Variants in MYO5B observed in about 807,000 individuals in gnomAD.
The protein encoded by MYO5B is myosin VB.
In MYO5B, 143 loss-of-function variants were observed where a neutral mutation model predicts 229.3. The ratio of observed to expected loss-of-function variants is 0.62; its 90% CI spans 0.54 to 0.72. The LOEUF is 0.72. MYO5B is among the 30% of genes least tolerant of loss of function. MYO5B has a pLI of 0.00. For synonymous variants in MYO5B, 918 were observed against 885.2 expected, an observed-to-expected ratio of 1.04 and a Z score of -0.66; for missense variants, 2,321 against 2,331.0, an observed-to-expected ratio of 1.00 and a Z score of 0.09.
At chr18:49,986,275 A>G (rs2144302919) in intron 7 of MYO5B, among the ~76,000 whole-genome samples, 1 of 151,672 alleles carries the variant, frequency 6.6e-6, no homozygotes, top group East Asian at 1.9e-4. Flanking sequence ...ACCTCCCCCC[A>G]TTTCCCACCT....
chr18:49,848,848 C>T (rs1024740417), intron 32 of MYO5B, among the ~76,000 whole-genome samples: 2 of 152,082 alleles, frequency 1.3e-5, no homozygotes, highest in Non-Finnish European at 2.9e-5. Flanking sequence ...TCCCTGCCCT[C>T]TAAGACCTTC....
At chr18:49,902,353 T>G (rs1238867382) in intron 21 of MYO5B, among the ~76,000 whole-genome samples, 1 of 152,170 alleles carries the variant, frequency 6.6e-6, no homozygotes, top group Non-Finnish European at 1.5e-5. Flanking sequence ...AGTTCTTAAT[T>G]TAATTGCATC....
At chr18:50,188,589 C>T (rs925967185) in intron 1 of MYO5B, among the ~76,000 whole-genome samples, 1 of 151,944 alleles carries the variant, frequency 6.6e-6, no homozygotes, top group Non-Finnish European at 1.5e-5. Context: ...GAGATTGAGA[C>T]CATCCTGGCC....
intron 22 of MYO5B, among the ~76,000 whole-genome samples, chr18:49,894,477 T>C (rs757966911): frequency 2.6e-5 from 4 of 151,946 alleles, no homozygotes; most frequent in Non-Finnish European, 4.4e-5. Flanking sequence ...CCCACCAGGG[T>C]GGGTGTGACA....
At chr18:49,835,826 CCT>C (rs944489272) in intron 38 of MYO5B, among the ~76,000 whole-genome samples, 3 of 152,260 alleles carry the variant, frequency 2.0e-5, no homozygotes, top group South Asian at 2.1e-4. Context: ...CTAACTACCC[CCT>C]GTCCCCCAAC....
At chr18:49,932,125 C>T (rs756629919) in intron 16 of MYO5B, among the ~76,000 whole-genome samples, 4 of 152,266 alleles carry the variant, frequency 2.6e-5, no homozygotes, top group Admixed American at 1.3e-4. Context: ...CATTGAGAAC[C>T]CCGTCATTCC....
intron 5 of MYO5B, among the ~76,000 whole-genome samples, chr18:49,993,780 GTCAATTCTCCAC>G (rs2025957605): frequency 6.6e-6 from 1 of 152,138 alleles, no homozygotes; most frequent in Non-Finnish European, 1.5e-5. Flanking sequence ...TCCACCTGCT[GTCAATTCTCCAC>G]TCAATTGCCA....
At chr18:49,866,799 C>T (rs1413229234) in intron 27 of MYO5B, among the ~76,000 whole-genome samples, 1 of 152,172 alleles carries the variant, frequency 6.6e-6, no homozygotes, top group Non-Finnish European at 1.5e-5. Context: ...GGCACTGCAG[C>T]CTGGAACACA....
intron 21 of MYO5B, among the ~76,000 whole-genome samples, chr18:49,900,519 A>T (rs28446616): frequency 0.011 from 1,617 of 152,342 alleles, 42 homozygotes; most frequent in African/African-American, 0.036. Context: ...GAGCACGGAA[A>T]CAGAGGCATT....
At chr18:50,076,670 C>G (rs996455476) in intron 1 of MYO5B, among the ~76,000 whole-genome samples, 1 of 152,142 alleles carries the variant, frequency 6.6e-6, no homozygotes, top group African/African-American at 2.4e-5. Context: ...CCTCTCCTAT[C>G]AACTAACCAC....
chr18:50,143,903 G>C (rs1410291540), intron 1 of MYO5B, among the ~76,000 whole-genome samples: 4 of 152,250 alleles, frequency 2.6e-5, no homozygotes, highest in African/African-American at 9.6e-5. Flanking sequence ...CTTGCTTAGG[G>C]CCAAGCACAC....
At chr18:50,121,548 T>C (rs746034772) in intron 1 of MYO5B, among the ~76,000 whole-genome samples, 1 of 134,242 alleles carries the variant, frequency 7.4e-6, no homozygotes, top group South Asian at 2.6e-4. Context: ...AGGATTCAGT[T>C]TGATATTTTT....
intron 1 of MYO5B, among the ~76,000 whole-genome samples, chr18:50,081,576 T>C (rs947893720): frequency 2.0e-4 from 30 of 152,184 alleles, no homozygotes; most frequent in Admixed American, 2.0e-3. Flanking sequence ...AAATAAAGGG[T>C]TGCCATACTT....
At chr18:49,968,038 C>G (rs1258380617) in intron 10 of MYO5B, among the ~76,000 whole-genome samples, 1 of 152,168 alleles carries the variant, frequency 6.6e-6, no homozygotes. Flanking sequence ...GCGATCCTCT[C>G]CCAACCTAAC....
intron 22 of MYO5B, among the ~76,000 whole-genome samples, chr18:49,894,646 G>A (rs1213091952): frequency 1.3e-5 from 2 of 152,188 alleles, no homozygotes; most frequent in Non-Finnish European, 2.9e-5. Flanking sequence ...GCGGGCCACA[G>A]AGCCAGCCCT....
At chr18:50,037,103 G>T in intron 3 of MYO5B, 109 bp from the exon 4 acceptor site, 2 of 1,220,688 alleles carry the variant, frequency 1.6e-6, no homozygotes, top group Non-Finnish European at 2.4e-6. Context: ...AGAATGAGAG[G>T]GCAGCAGAAC....
At chr18:49,939,148 C>CT (rs11313115) in intron 14 of MYO5B, among the ~76,000 whole-genome samples, 15,101 of 118,944 alleles carry the variant, frequency 0.13, 1,143 homozygotes, top group East Asian at 0.32. Flanking sequence ...TCTTTTTTTT[C>CT]TTTTTTTTTT....
At chr18:50,070,407 T>A (rs983083285) in intron 1 of MYO5B, among the ~76,000 whole-genome samples, 1 of 152,026 alleles carries the variant, frequency 6.6e-6, no homozygotes, top group Admixed American at 6.6e-5. Context: ...CTAGAGCAGT[T>A]CTCATCTGGG....
rs1439127193 is a variant in MYO5B at position 49,894,922 on chromosome 18, C to A, written c.3045+19G>T. 1 of 1,606,458 alleles carries A rather than the reference C, an allele frequency of 6.2e-7. No individual in the cohort carries two copies. The highest frequency in any genetic ancestry group is 8.5e-7 in the Non-Finnish European group (1 of 1,176,038). ...ACCCACTCTGCTTGCCAGCGCCTGC[C>A]CCTCTGGCCTGAGCATACCTTCCTC... On this transcript the variant is annotated intron_variant, in intron 22 of 39. Transcript: ENST00000285039.
Sources: allele counts gnomAD v4.1 joint callset (sites outside exome capture counted in the v4.1 genomes callset), GRCh38; gene constraint gnomAD v4.1.1; transcripts MANE v1.5; gene names NCBI Gene and HGNC (gene_info 2026-07-23, HGNC 2026-07-21).